Variants in DPH6 observed in about 807,000 individuals in gnomAD.
The protein encoded by DPH6 is diphthine--ammonia ligase.
In DPH6, 33 loss-of-function variants were observed where a neutral mutation model predicts 38.2. That is an observed-to-expected ratio of 0.86 (90% CI 0.65 to 1.15). DPH6 has a LOEUF of 1.15. Ranked by LOEUF, DPH6 falls within the 50% of genes most tolerant of loss-of-function variation. DPH6 has a pLI of 0.00. For missense variants in DPH6, 325 were observed against 320.0 expected, an observed-to-expected ratio of 1.02 and a Z score of -0.12; for synonymous variants, 108 against 103.0, an observed-to-expected ratio of 1.05 and a Z score of -0.30.
At chr15:35,520,483 T>A in intron 3 of DPH6, 1 of 984,296 alleles carries the variant, frequency 1.0e-6, no homozygotes, top group Non-Finnish European at 1.2e-6. Context: ...CTCACATAAT[T>A]CCTGTTACAA....
chr15:35,445,727 C>A (rs1344593977), intron 5 of DPH6, among the ~76,000 whole-genome samples: 2 of 152,128 alleles, frequency 1.3e-5, no homozygotes, highest in Non-Finnish European at 2.9e-5. Flanking sequence ...GAAAGGTAAA[C>A]AAAGATGCAG....
intron 3 of DPH6, among the ~76,000 whole-genome samples, chr15:35,242,321 C>T (rs1397335985): frequency 6.3e-5 from 9 of 142,882 alleles, no homozygotes; most frequent in East Asian, 4.4e-4. Flanking sequence ...ATGGTTAGTG[C>T]GGTCAGAATT....
chr15:35,520,890 C>A, intron 3 of DPH6: 1 of 985,080 alleles, frequency 1.0e-6, no homozygotes, highest in South Asian at 4.7e-5. Flanking sequence ...CCTGGAAAAA[C>A]AGTATACAAC....
At chr15:35,397,853 A>C (rs2053158966) in intron 6 of DPH6, among the ~76,000 whole-genome samples, 1 of 135,150 alleles carries the variant, frequency 7.4e-6, no homozygotes, top group African/African-American at 2.9e-5. Context: ...AATAGATGGA[A>C]TCAATTTATA....
intron 6 of DPH6, among the ~76,000 whole-genome samples, chr15:35,391,700 A>T (rs997489220): frequency 2.0e-5 from 3 of 152,166 alleles, no homozygotes; most frequent in African/African-American, 7.2e-5. Flanking sequence ...AAAGCGCAGT[A>T]TTAGGGTGGG....
chr15:35,160,626 C>A, the DPH6 span, among the ~76,000 whole-genome samples: 1 of 151,732 alleles, frequency 6.6e-6, no homozygotes, highest in African/African-American at 2.4e-5. Context: ...CTCAAGTAGG[C>A]CCCCGGGTCT....
the DPH6 span, among the ~76,000 whole-genome samples, chr15:35,175,867 A>C: frequency 6.6e-6 from 1 of 152,344 alleles, no homozygotes; most frequent in African/African-American, 2.4e-5. Context: ...TGTTCATTCA[A>C]GCTTAAAGGC....
At chr15:35,199,364 G>A in the DPH6 span, among the ~76,000 whole-genome samples, 4 of 152,142 alleles carry the variant, frequency 2.6e-5, no homozygotes, top group African/African-American at 4.8e-5. Context: ...AATGAATCTT[G>A]TATAATGGAA....
At chr15:35,213,091 A>G (rs1179941551), downstream of DPH6, among the ~76,000 whole-genome samples, 1 of 152,230 alleles carries the variant, frequency 6.6e-6, no homozygotes, top group Non-Finnish European at 1.5e-5. Flanking sequence ...AGTTAGCCAC[A>G]GTCTGCGTTT....
intron 3 of DPH6, among the ~76,000 whole-genome samples, chr15:35,341,693 C>T (rs996892042): frequency 1.3e-5 from 2 of 152,180 alleles, no homozygotes; most frequent in African/African-American, 2.4e-5. Context: ...GGAGGCATCA[C>T]CAGTGAAGGC....
At position 35,444,603 on chromosome 15, in the gene DPH6, A is replaced by T. The variant is rs546173735; in HGVS notation, c.505+6082T>A. Among the ~76,000 whole-genome samples, 52 of 152,330 alleles carry T rather than the reference A, an allele frequency of 3.4e-4. No individual in the cohort carries two copies. The South Asian group carries it at 0.011, about 32-fold the overall frequency. On this transcript the variant is annotated intron_variant, in intron 5 of 8. Transcript: ENST00000256538. ...CTGCTGGCAATGAATCTTTAAAAAC[A>T]ACAACTTCCATAGCAATTGGAATAT... is the stretch of plus-strand genomic sequence containing the variant.
At chr15:35,322,251 C>G (rs1055016114) in intron 3 of DPH6, among the ~76,000 whole-genome samples, 1 of 152,180 alleles carries the variant, frequency 6.6e-6, no homozygotes, top group African/African-American at 2.4e-5. Flanking sequence ...GACACTATCC[C>G]TACATTTTAG....
the DPH6 span, among the ~76,000 whole-genome samples, chr15:35,172,681 A>G: frequency 6.6e-6 from 1 of 152,150 alleles, no homozygotes; most frequent in African/African-American, 2.4e-5. Flanking sequence ...AAACCTTTGC[A>G]TTTCTTTAAA....
chr15:35,479,285 T>C (rs1451838082), intron 3 of DPH6, among the ~76,000 whole-genome samples: 2 of 152,198 alleles, frequency 1.3e-5, no homozygotes, highest in Admixed American at 6.6e-5. Context: ...AGTCCAACAA[T>C]TTAAAATTTA....
intron 5 of DPH6, among the ~76,000 whole-genome samples, chr15:35,445,463 G>A (rs894919182): frequency 2.0e-5 from 3 of 149,646 alleles, no homozygotes; most frequent in African/African-American, 4.9e-5. Flanking sequence ...AATATGAACT[G>A]CCTGGATCCA....
At chr15:35,255,388 G>C (rs2051700915) in intron 3 of DPH6, among the ~76,000 whole-genome samples, 2 of 152,050 alleles carry the variant, frequency 1.3e-5, no homozygotes, top group African/African-American at 4.8e-5. Flanking sequence ...AGATAAATGA[G>C]GGCTGAAGAC....
rs1004120343 is a variant in DPH6, at chr15:35,463,569, G to A, written c.313-8749C>T. On this transcript the variant is annotated intron_variant, in intron 3 of 8. Transcript: ENST00000256538. ...AACTACTAATGATATAAGGCTAAGCGAAGCAAATGTTCATAAAGTACATAC... is the reference window on the plus strand; with the variant it reads ...AACTACTAATGATATAAGGCTAAGCAAAGCAAATGTTCATAAAGTACATAC... 2.6e-5 allele frequency among the ~76,000 whole-genome samples: 4 copies of A among 152,194 alleles called. No individual in the cohort carries two copies. In the East Asian group the frequency reaches 5.8e-4, roughly 22 times the overall value.
At chr15:35,406,696 AATGGGG>A (rs1248796407) in intron 6 of DPH6, among the ~76,000 whole-genome samples, 1 of 152,042 alleles carries the variant, frequency 6.6e-6, no homozygotes, top group Admixed American at 6.6e-5. Flanking sequence ...CTGAGCAGAC[AATGGGG>A]CCAGCCCTTC....
chr15:35,350,400 A>AT (rs1162481555), intron 3 of DPH6, among the ~76,000 whole-genome samples: 1 of 150,568 alleles, frequency 6.6e-6, no homozygotes, highest in Non-Finnish European at 1.5e-5. Flanking sequence ...AGTTTTGTTA[A>AT]TTTTTAAAAT....
Sources: gnomAD v4.1 joint callset for allele counts (sites outside exome capture counted in the v4.1 genomes callset) on GRCh38, gnomAD v4.1.1 for gene constraint, MANE v1.5 for transcripts, NCBI Gene and HGNC (gene_info 2026-07-23, HGNC 2026-07-21) for gene names.